The following CUL2 variants were observed in gnomAD, a reference collection of about 807,000 sequenced individuals.
The protein encoded by CUL2 is cullin-2.
A neutral mutation model predicts 110.2 loss-of-function variants in CUL2; 22 were observed. The observed-to-expected ratio is 0.20, with a 90% confidence interval of 0.14 to 0.28. The LOEUF is 0.28. Among genes scored for constraint, CUL2 ranks in the 10% least tolerant of loss-of-function variants. The pLI is 1.00. For synonymous variants in CUL2, 279 were observed against 293.2 expected (o/e 0.95, Z 0.49); for missense variants, 631 against 905.5 (o/e 0.70, Z 3.89).
chr10:35,014,523 A>G (rs2084979363), intron 18 of CUL2, among the ~76,000 whole-genome samples: 1 of 152,202 alleles, frequency 6.6e-6, no homozygotes, highest in Non-Finnish European at 1.5e-5. Flanking sequence ...TCTGCTAAGG[A>G]ATGGACAGAT....
chr10:35,100,289 G>A (rs1391243052), intron 2 of CUL2, among the ~76,000 whole-genome samples: 6 of 151,950 alleles, frequency 3.9e-5, no homozygotes, highest in African/African-American at 1.4e-4. Flanking sequence ...CAAACATTCC[G>A]CTAGAAATAA....
intron 1 of CUL2, among the ~76,000 whole-genome samples, chr10:35,114,532 G>A (rs1191734099): frequency 2.0e-5 from 3 of 151,592 alleles, no homozygotes; most frequent in Admixed American, 6.6e-5. Flanking sequence ...ACAGGCGCCC[G>A]CCACCACACC....
At chr10:35,094,224 C>G (rs2087258853), upstream of CUL2, among the ~76,000 whole-genome samples, 1 of 147,872 alleles carries the variant, frequency 6.8e-6, no homozygotes. Flanking sequence ...ATAAGCTCTT[C>G]TAAGTCCTCG....
intron 20 of CUL2, among the ~76,000 whole-genome samples, chr10:35,011,451 C>T (rs1291327632): frequency 3.9e-5 from 6 of 151,934 alleles, no homozygotes; most frequent in Non-Finnish European, 8.8e-5. Context: ...AACCCTGTCT[C>T]TACGAAAAAT....
chr10:35,018,680 T>TG (rs1432495575), intron 17 of CUL2, among the ~76,000 whole-genome samples: 1 of 148,580 alleles, frequency 6.7e-6, no homozygotes, highest in Non-Finnish European at 1.5e-5. Context: ...GGAGAATGGC[T>TG]TGAACCCGGG....
chr10:35,038,892 A>G, intron 9 of CUL2, 28 bp downstream of exon 9: 1 of 1,492,736 alleles, frequency 6.7e-7, no homozygotes, highest in Non-Finnish European at 9.1e-7. Context: ...TTATAATTTA[A>G]TTTCTACTCA....
chr10:35,057,652 GAAAAAAAA>G (rs1231881473), intron 4 of CUL2, among the ~76,000 whole-genome samples: 115 of 84,654 alleles, frequency 1.4e-3, no homozygotes, highest in South Asian at 5.8e-3. Flanking sequence ...GACTCCGTCT[GAAAAAAAA>G]AAAAAAGAAA....
intron 17 of CUL2, among the ~76,000 whole-genome samples, chr10:35,017,586 C>G (rs377556187): frequency 6.6e-6 from 1 of 151,430 alleles, no homozygotes; most frequent in East Asian, 1.9e-4. Flanking sequence ...CCCAGCTACT[C>G]GGGAGGCTAA....
At chr10:35,035,375 G>C in intron 9 of CUL2, 79 bp from the exon 10 acceptor site, 2 of 1,507,812 alleles carry the variant, frequency 1.3e-6, no homozygotes, top group South Asian at 2.3e-5. Flanking sequence ...AAGTGCAGGA[G>C]TACAATATAC....
chr10:35,091,713 C>T (rs1193474916), upstream of CUL2, among the ~76,000 whole-genome samples: 1 of 152,060 alleles, frequency 6.6e-6, no homozygotes, highest in Non-Finnish European at 1.5e-5. Flanking sequence ...CTGCACCTCC[C>T]GGGTTCAAGT....
At chr10:35,114,303 A>G (rs1031540744) in intron 1 of CUL2, among the ~76,000 whole-genome samples, 1 of 151,422 alleles carries the variant, frequency 6.6e-6, no homozygotes, top group African/African-American at 2.4e-5. Flanking sequence ...ACCTCAAGTG[A>G]TTCTCCCTAC....
intron 5 of CUL2, 141 bp downstream of exon 5, chr10:35,054,292 TA>T (rs2086189363): frequency 1.8e-6 from 1 of 542,792 alleles, no homozygotes; most frequent in Non-Finnish European, 3.2e-6. Context: ...AGGAAATCAC[TA>T]TAGCATTTTA....
chr10:35,047,225 C>T (rs1422694104), intron 6 of CUL2, among the ~76,000 whole-genome samples: 2 of 152,144 alleles, frequency 1.3e-5, no homozygotes, highest in East Asian at 3.9e-4. Flanking sequence ...CATCAGAAAC[C>T]CTACCTCAAC....
chr10:35,126,999 C>G (rs1564766307), upstream of CUL2: 1 of 152,538 alleles, frequency 6.6e-6, no homozygotes, highest in Non-Finnish European at 1.5e-5. Flanking sequence ...GGCTGCAGCG[C>G]TACTTTTGGT....
chr10:35,034,141 GT>G (rs1195904189), intron 10 of CUL2, among the ~76,000 whole-genome samples: 4 of 152,172 alleles, frequency 2.6e-5, no homozygotes, highest in African/African-American at 9.7e-5. Context: ...ACTTAACTAA[GT>G]CAGTTGGATT....
chr10:35,021,093 A>C (rs2085169253), intron 17 of CUL2, among the ~76,000 whole-genome samples: 1 of 149,542 alleles, frequency 6.7e-6, no homozygotes, highest in Non-Finnish European at 1.5e-5. Flanking sequence ...TTTAACCTTG[A>C]TCACCTTCTC....
intron 17 of CUL2, among the ~76,000 whole-genome samples, chr10:35,021,173 G>A (rs887757987): frequency 6.6e-6 from 1 of 151,822 alleles, no homozygotes; most frequent in South Asian, 2.1e-4. Context: ...TGCAAGCCAT[G>A]GACATGGTGA....
intron 1 of CUL2, among the ~76,000 whole-genome samples, chr10:35,107,474 A>ACTAGAGAAGTAGGGACACAGAAATG (rs1375969916): frequency 6.6e-6 from 1 of 152,190 alleles, no homozygotes; most frequent in African/African-American, 2.4e-5. Flanking sequence ...TCTGGGGAGA[A>ACTAGAGAAGTAGGGACACAGAAATG]CTAGAGAAGT....
rs747280845 is a variant in CUL2, at chr10:35,039,033, T to G, written c.764A>C (p.His255Pro). 2 of 1,607,652 alleles carry G rather than the reference T, an allele frequency of 1.2e-6. No individual in the cohort carries two copies. The highest frequency in any genetic ancestry group is 2.2e-5 in the South Asian group (2 of 90,110). Reference sequence around the variant, plus strand: ...AATCACCTTAGTATATGAACTTGGATGTAGGTATTTTCGACATCGAATTTC... The same window carrying G: ...AATCACCTTAGTATATGAACTTGGAGGTAGGTATTTTCGACATCGAATTTC... ...DEEIRCRKYL[H>P]PSSYTKVIHE... Residue 255 changes from histidine (H) to proline (P), a missense_variant, in exon 9 of 21, where the codon CAT (histidine) becomes CCT (proline). This residue lies in a region of CUL2 where 338 missense variants were observed against 442.5 expected (regional missense o/e 0.76). Transcript: ENST00000374749.
Sources: allele counts gnomAD v4.1 joint callset (sites outside exome capture counted in the v4.1 genomes callset), GRCh38; gene constraint gnomAD v4.1.1; regional missense constraint gnomAD v4.1.1; transcripts MANE v1.5; gene names NCBI Gene and HGNC (gene_info 2026-07-23, HGNC 2026-07-21).